The following UGT1A7 variants were observed in gnomAD, a reference collection of about 807,000 sequenced individuals.
UGT1A7 encodes the protein UDP glucuronosyltransferase family 1 member A7.
UGT1A7 carries 33 observed loss-of-function variants against 45.6 expected under a neutral mutation model. The observed-to-expected ratio is 0.72, with a 90% CI of 0.55 to 0.97. The LOEUF (loss-of-function observed/expected upper bound fraction) is 0.97. UGT1A7 is among the 50% of genes least tolerant of loss of function. The pLI is 0.00. For synonymous variants in UGT1A7, 274 were observed against 250.6 expected (o/e 1.09, Z -0.88); for missense variants, 684 against 666.2 (o/e 1.03, Z -0.29).
intron 1 of UGT1A7, among the ~76,000 whole-genome samples, chr2:233,706,394 A>G (rs2075906140): frequency 6.6e-6 from 1 of 152,228 alleles, no homozygotes; most frequent in Non-Finnish European, 1.5e-5. Context: ...GGCCAAGTAC[A>G]TTTACCACTC....
chr2:233,754,858 C>T lies in UGT1A7; in HGVS notation c.856-12176C>T, dbSNP rs759970086. 1.3e-5 allele frequency: 18 copies of T among 1,350,050 alleles called. No individual in the cohort carries two copies. In the African/African-American group the frequency reaches 2.1e-4, roughly 16 times the overall value. The allele number at this position is 1,350,050 out of a possible 1,614,324, so 83.6% of individuals were successfully genotyped here. ...TCACTGAAGGCAGAGAAAAGGGGTG[C>T]AGACCCTCTGCTTCTGCTTCCCAGG... On this transcript the variant is annotated intron_variant, in intron 1 of 4. Coordinates refer to ENST00000373426, the MANE Select transcript of UGT1A7 (RefSeq NM_019077.3).
intron 1 of UGT1A7, among the ~76,000 whole-genome samples, chr2:233,721,312 CTCTTT>C (rs1419139960): frequency 1.3e-5 from 2 of 152,056 alleles, no homozygotes; most frequent in Non-Finnish European, 2.9e-5. Context: ...GTGATTGTGG[CTCTTT>C]TCTTGTGGTT....
At chr2:233,685,153 T>C (rs1384992803) in intron 1 of UGT1A7, among the ~76,000 whole-genome samples, 1 of 152,180 alleles carries the variant, frequency 6.6e-6, no homozygotes, top group African/African-American at 2.4e-5. Flanking sequence ...TTAAATACTT[T>C]AACAAGGATG....
chr2:233,754,791 C>T (rs1377566295), intron 1 of UGT1A7: 10 of 1,204,840 alleles, frequency 8.3e-6, no homozygotes, highest in Non-Finnish European at 1.0e-5. Context: ...GGAACGAAAT[C>T]CTGTATCAAA....
intron 1 of UGT1A7, among the ~76,000 whole-genome samples, chr2:233,709,556 A>C (rs971239686): frequency 6.6e-6 from 1 of 152,160 alleles, no homozygotes; most frequent in Non-Finnish European, 1.5e-5. Flanking sequence ...AGTACTTATA[A>C]ATTTAAACTT....
intron 1 of UGT1A7, chr2:233,718,964 G>A (rs767708509): frequency 1.1e-5 from 17 of 1,614,104 alleles, no homozygotes; most frequent in Non-Finnish European, 1.4e-5. Flanking sequence ...GGGAGGCCTT[G>A]CGGGAGCTCC....
chr2:233,760,963 G>A (rs761943511), intron 1 of UGT1A7: 5 of 1,614,162 alleles, frequency 3.1e-6, no homozygotes, highest in African/African-American at 1.3e-5. Flanking sequence ...GTGCGACGTG[G>A]TTTATTCCCC....
chr2:233,755,487 G>GT (rs1198715478), intron 1 of UGT1A7: 2 of 206,234 alleles, frequency 9.7e-6, no homozygotes. Flanking sequence ...GTGAGGCCCT[G>GT]TGATGCTCCA....
intron 1 of UGT1A7, among the ~76,000 whole-genome samples, chr2:233,748,278 A>T (rs1303548000): frequency 2.6e-5 from 4 of 151,752 alleles, no homozygotes; most frequent in Non-Finnish European, 5.9e-5. Flanking sequence ...TGAGAGGAAG[A>T]AGAGGCAGAC....
At chr2:233,706,682 A>C (rs182459361) in intron 1 of UGT1A7, among the ~76,000 whole-genome samples, 33 of 151,848 alleles carry the variant, frequency 2.2e-4, no homozygotes, top group African/African-American at 7.7e-4. Flanking sequence ...TCCCCACCCC[A>C]CTCCTTCTTG....
At chr2:233,705,847 G>A (rs1288206523) in intron 1 of UGT1A7, among the ~76,000 whole-genome samples, 1 of 152,146 alleles carries the variant, frequency 6.6e-6, no homozygotes, top group African/African-American at 2.4e-5. Flanking sequence ...AGCTGAAGTG[G>A]GAAGCTGAGG....
intron 1 of UGT1A7, chr2:233,691,760 C>A: frequency 2.3e-6 from 1 of 437,874 alleles, no homozygotes; most frequent in Non-Finnish European, 3.0e-6. Flanking sequence ...CTGACTCCTG[C>A]TCTAGGATTC....
intron 1 of UGT1A7, chr2:233,761,087 C>G (rs141950052): frequency 6.2e-7 from 1 of 1,614,018 alleles, no homozygotes; most frequent in Non-Finnish European, 8.5e-7. Flanking sequence ...TACCCTAGGC[C>G]CATCATGCCC....
intron 1 of UGT1A7, among the ~76,000 whole-genome samples, chr2:233,720,963 G>A (rs547406331): frequency 4.6e-4 from 69 of 150,328 alleles, no homozygotes; most frequent in African/African-American, 7.4e-4. Flanking sequence ...TGCCCGCCTC[G>A]GCCTCCCAAA....
At chr2:233,725,198 A>C (rs1414997731) in intron 1 of UGT1A7, among the ~76,000 whole-genome samples, 7 of 86,674 alleles carry the variant, frequency 8.1e-5, no homozygotes, top group African/African-American at 6.8e-4. Flanking sequence ...AGGCAGAGGC[A>C]GAGGCAGAGG....
At chr2:233,765,924 G>A (rs1285485148) in intron 1 of UGT1A7, among the ~76,000 whole-genome samples, 9 of 152,180 alleles carry the variant, frequency 5.9e-5, no homozygotes, top group Middle Eastern at 3.4e-3. Context: ...GCATACAGAC[G>A]GGCAGGTTGT....
intron 1 of UGT1A7, chr2:233,755,945 TC>T (rs1469845586): frequency 6.6e-6 from 1 of 152,216 alleles, no homozygotes; most frequent in African/African-American, 2.4e-5. Context: ...TTTGCATCTC[TC>T]TCTTTAGTAC....
chr2:233,747,574 CT>C, intron 1 of UGT1A7: 1 of 1,587,022 alleles, frequency 6.3e-7, no homozygotes, highest in Non-Finnish European at 8.7e-7. Flanking sequence ...AAAAATTCAT[CT>C]TTGGTCTTTC....
chr2:233,747,486 C>T, intron 1 of UGT1A7: 1 of 1,608,834 alleles, frequency 6.2e-7, no homozygotes, highest in Non-Finnish European at 8.5e-7. Flanking sequence ...ATTTGATCGC[C>T]TTGTGCTGGG....
Sources: allele counts gnomAD v4.1 joint callset (sites outside exome capture counted in the v4.1 genomes callset), GRCh38; gene constraint gnomAD v4.1.1; transcripts MANE v1.5; gene names NCBI Gene and HGNC (gene_info 2026-07-23, HGNC 2026-07-21).